The following SLC35F2 variants were observed in gnomAD, a reference collection of about 807,000 sequenced individuals.
The protein encoded by SLC35F2 is solute carrier family 35 member F2.
Under a neutral mutation model 38.1 loss-of-function variants are expected in SLC35F2, and 25 were observed. The ratio of observed to expected loss-of-function variants is 0.66; its 90% confidence interval spans 0.48 to 0.92. The LOEUF is 0.92. Ranked by LOEUF, SLC35F2 falls within the 40% of genes least tolerant of loss-of-function variation. The probability of loss-of-function intolerance (pLI) is 0.00; values close to 1 mark genes in which losing one functional copy is unlikely to be tolerated. For synonymous variants in SLC35F2, 173 were observed against 181.7 expected, an observed-to-expected ratio of 0.95 and a Z score of 0.38; for missense variants, 409 against 452.9, an observed-to-expected ratio of 0.90 and a Z score of 0.88.
intron 1 of SLC35F2, among the ~76,000 whole-genome samples, chr11:107,837,068 A>T (rs997843656): frequency 1.9e-4 from 29 of 152,168 alleles, no homozygotes; most frequent in African/African-American, 7.0e-4. Flanking sequence ...AAACTGCTGA[A>T]CTAGTTCCAT....
Position 107,858,757 on chromosome 11 carries a change from T to C in SLC35F2, c.11A>G (p.Asp4Gly), listed in dbSNP as rs997823907. 4.1e-5 allele frequency: 52 copies of C among 1,267,276 alleles called. No homozygotes were observed. The highest frequency in any genetic ancestry group is 5.0e-5 in the Non-Finnish European group (50 of 998,428). 78.5% of individuals were successfully genotyped at this position (1,267,276 alleles called of 1,614,324 possible). Residue 4 changes from aspartate to glycine, a missense_variant, in exon 1 of 8, where the codon GAC (aspartate) becomes GGC (glycine). By Grantham distance (94) the Asp-to-Gly change is moderately conservative. Transcript: ENST00000525815. Reference protein sequence around the residue: MEADSPAGPGAPEP... With the variant: MEAGSPAGPGAPEP... Reference sequence around the variant, plus strand: ...TGGGGCGCCGGGGCCCGCTGGCGAGTCTGCCTCCATCGGCGCCCTTGCGCG... The same window carrying C: ...TGGGGCGCCGGGGCCCGCTGGCGAGCCTGCCTCCATCGGCGCCCTTGCGCG...
intron 1 of SLC35F2, among the ~76,000 whole-genome samples, chr11:107,854,703 A>C (rs962416256): frequency 1.3e-5 from 2 of 152,180 alleles, no homozygotes; most frequent in African/African-American, 4.8e-5. Context: ...GGGGGCAGGT[A>C]TATTAAGAGC....
intron 1 of SLC35F2, among the ~76,000 whole-genome samples, chr11:107,839,424 G>A (rs528376257): frequency 6.6e-5 from 10 of 152,220 alleles, no homozygotes; most frequent in African/African-American, 2.4e-4. Flanking sequence ...TCACACCACT[G>A]CACTCCAGCC....
intron 1 of SLC35F2, 165 bp downstream of exon 1, chr11:107,858,493 C>T (rs571992873): frequency 7.0e-5 from 37 of 527,928 alleles, no homozygotes; most frequent in Admixed American, 8.8e-5. Flanking sequence ...AGGTGAAGCG[C>T]ACCATACCTG....
chr11:107,849,640 G>GT (rs1860145881), intron 1 of SLC35F2, among the ~76,000 whole-genome samples: 1 of 43,436 alleles, frequency 2.3e-5, no homozygotes, highest in Non-Finnish European at 4.9e-5. Context: ...CTCCGTTTTG[G>GT]GAAAAAAAAA....
intron 1 of SLC35F2, among the ~76,000 whole-genome samples, chr11:107,822,012 C>T (rs565652717): frequency 1.1e-4 from 17 of 152,256 alleles, no homozygotes; most frequent in Middle Eastern, 3.4e-3. Context: ...CCAAGGCAGG[C>T]GGATCACTTG....
chr11:107,796,084 A>G (rs1054002640), intron 7 of SLC35F2, among the ~76,000 whole-genome samples: 1 of 152,154 alleles, frequency 6.6e-6, no homozygotes, highest in African/African-American at 2.4e-5. Context: ...AGCCGAGATC[A>G]TGCCACTGCA....
intron 1 of SLC35F2, among the ~76,000 whole-genome samples, chr11:107,840,486 A>C (rs1314999679): frequency 6.6e-6 from 1 of 152,240 alleles, no homozygotes; most frequent in Non-Finnish European, 1.5e-5. Context: ...ACTATTGTAA[A>C]AACTAGATTT....
At position 107,792,753 on chromosome 11, in the gene SLC35F2, A is replaced by G. The variant is rs1293034060; in HGVS notation, c.987T>C (p.Phe329=). Residue 329 remains phenylalanine, a synonymous_variant, in exon 8 of 8, where the codon TTT becomes TTC. Transcript: ENST00000525815. The stretch of plus-strand genomic sequence containing the variant: ...GAGTAGGGGTGGAGCAGTACAGGAT[A>G]AACCCCACCATGATGACAGTGAAGG... The part of the protein sequence containing the change: ...ILSFTVIMVG[F]ILYCSTPTRT... 6 of 1,607,868 alleles carry G rather than the reference A, an allele frequency of 3.7e-6. No homozygotes were observed. In the Middle Eastern group the frequency reaches 6.6e-4, roughly 177 times the overall value.
chr11:107,839,623 T>C (rs1194706604), intron 1 of SLC35F2, among the ~76,000 whole-genome samples: 1 of 152,236 alleles, frequency 6.6e-6, no homozygotes, highest in Non-Finnish European at 1.5e-5. Flanking sequence ...CTTTGTCATC[T>C]GGCTTTCATT....
intron 1 of SLC35F2, among the ~76,000 whole-genome samples, chr11:107,849,220 T>C (rs1860138892): frequency 6.6e-6 from 1 of 152,166 alleles, no homozygotes; most frequent in African/African-American, 2.4e-5. Flanking sequence ...TCTTTCGTTT[T>C]ATTAGGCATC....
chr11:107,802,242 A>AAAATAAATAAATAAATAAATAAAT (rs1555082409), intron 7 of SLC35F2, among the ~76,000 whole-genome samples: 5,827 of 147,536 alleles, frequency 0.039, 352 homozygotes, highest in East Asian at 0.24. Flanking sequence ...CATCTCAAAA[A>AAAATAAATAAATAAATAAATAAAT]AAATAAATAA....
At chr11:107,817,971 C>T (rs774002498) in intron 1 of SLC35F2, among the ~76,000 whole-genome samples, 7 of 149,212 alleles carry the variant, frequency 4.7e-5, no homozygotes, top group Non-Finnish European at 8.9e-5. Flanking sequence ...GCAGGAGAAT[C>T]GCTTGAACCC....
At chr11:107,831,675 T>C (rs1859844677) in intron 1 of SLC35F2, among the ~76,000 whole-genome samples, 1 of 152,264 alleles carries the variant, frequency 6.6e-6, no homozygotes, top group Non-Finnish European at 1.5e-5. Context: ...ATGGTTGTCT[T>C]GTGACCATCT....
chr11:107,808,498 C>T (rs900781917), intron 3 of SLC35F2, among the ~76,000 whole-genome samples: 2 of 152,108 alleles, frequency 1.3e-5, no homozygotes, highest in Non-Finnish European at 2.9e-5. Context: ...GTAATATTCC[C>T]GAAACTGCTG....
chr11:107,824,524 G>C (rs1859723911), intron 1 of SLC35F2, among the ~76,000 whole-genome samples: 2 of 152,174 alleles, frequency 1.3e-5, no homozygotes, highest in South Asian at 4.1e-4. Flanking sequence ...TTCTGGAAAA[G>C]GCTAGTAGAG....
intron 7 of SLC35F2, among the ~76,000 whole-genome samples, chr11:107,796,822 A>G (rs1181845086): frequency 6.6e-6 from 1 of 152,064 alleles, no homozygotes; most frequent in East Asian, 1.9e-4. Flanking sequence ...GTGTGCACCA[A>G]CATACCCGTA....
intron 1 of SLC35F2, among the ~76,000 whole-genome samples, chr11:107,822,785 A>G (rs1035153895): frequency 1.3e-5 from 2 of 152,166 alleles, no homozygotes; most frequent in African/African-American, 4.8e-5. Flanking sequence ...AGAGTTGTGC[A>G]TGCAGCCAAG....
chr11:107,803,974 C>T (rs1159969166), intron 6 of SLC35F2, among the ~76,000 whole-genome samples: 6 of 150,724 alleles, frequency 4.0e-5, no homozygotes, highest in East Asian at 2.0e-4. Flanking sequence ...TATAGGCGCC[C>T]GCCACCATGC....
Sources: allele counts gnomAD v4.1 joint callset (sites outside exome capture counted in the v4.1 genomes callset), GRCh38; gene constraint gnomAD v4.1.1; transcripts MANE v1.5; gene names NCBI Gene and HGNC (gene_info 2026-07-23, HGNC 2026-07-21).